CAPZB: variants seen among roughly 807,000 people sequenced by gnomAD.
CAPZB encodes the protein F-actin-capping protein subunit beta.
Under a neutral mutation model 38.1 loss-of-function variants are expected in CAPZB, and 2 were observed. That is an observed-to-expected ratio of 0.05 (90% CI 0.02 to 0.17). The LOEUF is 0.17. Ranked by LOEUF, CAPZB falls within the 10% of genes least tolerant of loss-of-function variation. CAPZB has a pLI of 1.00. For synonymous variants in CAPZB, 107 were observed against 127.4 expected, an observed-to-expected ratio of 0.84 and a Z score of 1.08; for missense variants, 161 against 334.2, an observed-to-expected ratio of 0.48 and a Z score of 4.04.
intron 4 of CAPZB, among the ~76,000 whole-genome samples, chr1:19,365,628 C>T (rs999877770): frequency 1.3e-5 from 2 of 151,992 alleles, no homozygotes; most frequent in Non-Finnish European, 2.9e-5. Flanking sequence ...GTCAGGAGTT[C>T]GAGACCAGCC....
intron 4 of CAPZB, among the ~76,000 whole-genome samples, chr1:19,366,612 C>G (rs892960979): frequency 6.6e-6 from 1 of 151,876 alleles, no homozygotes; most frequent in Non-Finnish European, 1.5e-5. Context: ...TGCTTGAACC[C>G]GGGAGGCAGA....
At chr1:19,412,805 T>C (rs1316511919) in intron 2 of CAPZB, among the ~76,000 whole-genome samples, 1 of 152,168 alleles carries the variant, frequency 6.6e-6, no homozygotes, top group Non-Finnish European at 1.5e-5. Flanking sequence ...CATTTACTGA[T>C]AGCTGGGCAC....
In CAPZB at chr1:19,352,763, C is replaced by T. The variant is rs144025936; in HGVS notation, c.588+3872G>A. Among the ~76,000 whole-genome samples the T allele has an allele frequency of 1.8e-4, 27 of 152,390 alleles. No homozygotes were observed. In the East Asian group the frequency reaches 3.7e-3, roughly 21 times the overall value. ...GCTGTTTACCTTGTCTTCCAGTTGACGTCCCTGAGAAACATCTTTTGGTGG... is the reference window on the plus strand; with the variant it reads ...GCTGTTTACCTTGTCTTCCAGTTGATGTCCCTGAGAAACATCTTTTGGTGG... On this transcript the variant is annotated intron_variant, in intron 6 of 8. Coordinates refer to ENST00000264202, the MANE Select transcript of CAPZB (RefSeq NM_004930.5).
intron 1 of CAPZB, chr1:19,448,956 G>A (rs773754505): frequency 6.8e-6 from 11 of 1,611,142 alleles, no homozygotes; most frequent in Non-Finnish European, 2.5e-6. Flanking sequence ...TTGCAGGCAG[G>A]GGAGGCGAGG....
chr1:19,430,972 G>A (rs962480009), intron 1 of CAPZB, among the ~76,000 whole-genome samples: 18 of 152,088 alleles, frequency 1.2e-4, no homozygotes, highest in African/African-American at 4.3e-4. Flanking sequence ...ATTTTCTCTT[G>A]GGTGTGCATA....
At chr1:19,485,368 G>C in intron 1 of CAPZB, 68 bp downstream of exon 1, 1 of 1,104,856 alleles carries the variant, frequency 9.1e-7, no homozygotes, top group Non-Finnish European at 1.1e-6. Context: ...GCCAGGGATG[G>C]GCAGGGGGAG....
intron 3 of CAPZB, among the ~76,000 whole-genome samples, chr1:19,379,785 T>C (rs1343550195): frequency 6.6e-6 from 1 of 152,180 alleles, no homozygotes; most frequent in African/African-American, 2.4e-5. Context: ...ATCTACTCAT[T>C]AATTCCTGCA....
chr1:19,442,514 C>G (rs144381325), intron 1 of CAPZB, among the ~76,000 whole-genome samples: 1 of 152,170 alleles, frequency 6.6e-6, no homozygotes, highest in Non-Finnish European at 1.5e-5. Context: ...AGTTCCCTTA[C>G]GGTAAGGCCT....
intron 2 of CAPZB, among the ~76,000 whole-genome samples, chr1:19,404,543 T>TAAAAAAAAAAAAAAAAAAAAAAAAAAAAA (rs11356951): frequency 7.8e-6 from 1 of 128,030 alleles, no homozygotes. Context: ...AACTCCATGT[T>TAAAAAAAAAAAAAAAAAAAAAAAAAAAAA]AAAAAAAAAA....
chr1:19,410,347 T>C (rs1373902609), intron 2 of CAPZB, among the ~76,000 whole-genome samples: 4 of 152,228 alleles, frequency 2.6e-5, no homozygotes, highest in Admixed American at 6.5e-5. Flanking sequence ...ATCCCGTTGG[T>C]TCTTGCAGTG....
rs565156145 is a variant in CAPZB at position 19,357,375 on chromosome 1, C to T, written c.471+47G>A. On this transcript the variant is annotated intron_variant, in intron 5 of 8. Coordinates refer to ENST00000264202, the MANE Select transcript of CAPZB (RefSeq NM_004930.5). This position sits in a 1 kb window ranked among gnomAD's most constrained non-coding sequence, Gnocchi z 4.3. Reference sequence around the variant, plus strand: ...GAGCAGCGCGGCACTGGTTGGTGTGCCATCTGTACTTAGTGGCCCGGGCCA... The same window carrying T: ...GAGCAGCGCGGCACTGGTTGGTGTGTCATCTGTACTTAGTGGCCCGGGCCA... 8 of 1,593,040 alleles carry T rather than the reference C, an allele frequency of 5.0e-6. No individual in the cohort carries two copies. The South Asian group carries it at 8.9e-5, about 18-fold the overall frequency.
At chr1:19,345,078 G>C in intron 7 of CAPZB, 109 bp downstream of exon 7, 1 of 848,440 alleles carries the variant, frequency 1.2e-6, no homozygotes, top group Non-Finnish European at 2.0e-6. Flanking sequence ...GCCGGCTGCG[G>C]TGGAGCTGAG....
chr1:19,375,581 C>A (rs137927244), intron 4 of CAPZB, among the ~76,000 whole-genome samples: 1 of 152,240 alleles, frequency 6.6e-6, no homozygotes, highest in Non-Finnish European at 1.5e-5. Context: ...CGACCCCCAA[C>A]TGGGGGCAGG....
At chr1:19,408,174 A>AACTCAG (rs2094341529) in intron 2 of CAPZB, among the ~76,000 whole-genome samples, 1 of 152,200 alleles carries the variant, frequency 6.6e-6, no homozygotes, top group Non-Finnish European at 1.5e-5. Flanking sequence ...CACCTGTGAA[A>AACTCAG]ACTCAGCCCA....
At chr1:19,438,145 G>T (rs1239175617) in intron 1 of CAPZB, among the ~76,000 whole-genome samples, 2 of 152,142 alleles carry the variant, frequency 1.3e-5, no homozygotes, top group African/African-American at 4.8e-5. Flanking sequence ...TTAGAGGATC[G>T]TGGGAATGCT....
chr1:19,395,011 C>T (rs1015784865), intron 2 of CAPZB, among the ~76,000 whole-genome samples: 10 of 152,314 alleles, frequency 6.6e-5, no homozygotes, highest in Admixed American at 2.0e-4. Context: ...ACAGCCACCG[C>T]GCGCCAGGTG....
intron 1 of CAPZB, among the ~76,000 whole-genome samples, chr1:19,444,945 G>A (rs1244402303): frequency 6.6e-6 from 1 of 151,992 alleles, no homozygotes; most frequent in East Asian, 1.9e-4. Flanking sequence ...ATCTCACCAC[G>A]TTGGCCAGGC....
chr1:19,479,557 G>A (rs2094620134), intron 1 of CAPZB, among the ~76,000 whole-genome samples: 1 of 152,196 alleles, frequency 6.6e-6, no homozygotes, highest in Admixed American at 6.5e-5. Flanking sequence ...CAGCTCCAGA[G>A]GTGGTAAATC....
intron 1 of CAPZB, among the ~76,000 whole-genome samples, chr1:19,464,212 G>T (rs67705352): frequency 0.32 from 46,549 of 146,358 alleles, 7,665 homozygotes; most frequent in Non-Finnish European, 0.37. Context: ...AAAGAGAAAA[G>T]AAAGAGAGGA....
Sources: allele counts gnomAD v4.1 joint callset (sites outside exome capture counted in the v4.1 genomes callset), GRCh38; gene constraint gnomAD v4.1.1; non-coding constraint Gnocchi (gnomAD v3.1); transcripts MANE v1.5; gene names NCBI Gene and HGNC (gene_info 2026-07-23, HGNC 2026-07-21).